NFIA: variants seen among roughly 807,000 people sequenced by gnomAD.
NFIA encodes nuclear factor I A, also known as nuclear factor 1 A-type.
A neutral mutation model predicts 62.8 loss-of-function variants in NFIA; 8 were observed. The observed-to-expected ratio is 0.13, with a 90% confidence interval of 0.07 to 0.23. NFIA has a LOEUF of 0.23. NFIA is among the 10% of genes least tolerant of loss of function. The pLI, the probability that NFIA is intolerant of heterozygous loss-of-function variation, is 1.00. For synonymous variants in NFIA, 235 were observed against 238.1 expected (o/e 0.99, Z 0.12); for missense variants, 410 against 642.1 (o/e 0.64, Z 3.91).
At chr1:61,440,476 G>C (rs1667523707) in intron 10 of NFIA, among the ~76,000 whole-genome samples, 1 of 152,174 alleles carries the variant, frequency 6.6e-6, no homozygotes, top group South Asian at 2.1e-4. Context: ...GAAGAAAGAA[G>C]TTGTGGCTAT....
At chr1:61,209,328 A>G (rs1364693594) in intron 2 of NFIA, among the ~76,000 whole-genome samples, 2 of 152,136 alleles carry the variant, frequency 1.3e-5, no homozygotes, top group Non-Finnish European at 2.9e-5. Context: ...ATCAATAGCC[A>G]GCTAGGGTTA....
chr1:61,234,941 T>C (rs1340910447), intron 2 of NFIA, among the ~76,000 whole-genome samples: 1 of 152,250 alleles, frequency 6.6e-6, no homozygotes, highest in African/African-American at 2.4e-5. Flanking sequence ...AGTTGGCATC[T>C]GTCTGTGGTT....
intron 7 of NFIA, among the ~76,000 whole-genome samples, chr1:61,387,080 A>G (rs1010619139): frequency 3.3e-5 from 5 of 152,050 alleles, no homozygotes; most frequent in African/African-American, 1.2e-4. Flanking sequence ...TTACCATCAC[A>G]TTGGGGGTTA....
chr1:61,104,877 A>G (rs1035092965), intron 2 of NFIA, among the ~76,000 whole-genome samples: 5 of 152,070 alleles, frequency 3.3e-5, no homozygotes, highest in Admixed American at 1.3e-4. Flanking sequence ...CTTTCATAGA[A>G]TGCTAAAAGA....
intron 6 of NFIA, among the ~76,000 whole-genome samples, chr1:61,375,810 A>G (rs893796719): frequency 1.3e-5 from 2 of 152,012 alleles, no homozygotes; most frequent in African/African-American, 4.8e-5. Context: ...TCCTGTAGCC[A>G]CTACCCTATT....
intron 3 of NFIA, among the ~76,000 whole-genome samples, chr1:61,304,670 T>C (rs1446268750): frequency 2.0e-5 from 3 of 151,378 alleles, no homozygotes; most frequent in African/African-American, 7.3e-5. Flanking sequence ...AGATCTGATT[T>C]TTTTTTTTGT....
At chr1:61,441,292 G>GGTGTGTGTGTGTGTGTGTGTGTGT (rs763246425) in intron 10 of NFIA, among the ~76,000 whole-genome samples, 3 of 139,372 alleles carry the variant, frequency 2.2e-5, no homozygotes, top group African/African-American at 8.1e-5. Context: ...GCCGTGCAGG[G>GGTGTGTGTGTGTGTGTGTGTGTGT]GTGTGTGTGT....
At chr1:61,238,221 ATTAAC>A (rs1655116518) in intron 2 of NFIA, among the ~76,000 whole-genome samples, 2 of 152,234 alleles carry the variant, frequency 1.3e-5, no homozygotes. Context: ...CTCTTTAAAA[ATTAAC>A]TTAGAGTTTT....
chr1:61,254,948 C>T (rs554502943), intron 2 of NFIA, among the ~76,000 whole-genome samples: 4 of 152,268 alleles, frequency 2.6e-5, no homozygotes, highest in East Asian at 1.9e-4. Flanking sequence ...TGAGAACCCC[C>T]GAGCAGCAGG....
intron 10 of NFIA, 120 bp from the exon 11 acceptor site, chr1:61,455,183 C>T: frequency 1.1e-6 from 1 of 938,024 alleles, no homozygotes; most frequent in Non-Finnish European, 1.7e-6. Context: ...TTTACTTTTC[C>T]CAGCGAATCC....
chr1:61,229,351 G>A (rs975596984), intron 2 of NFIA, among the ~76,000 whole-genome samples: 1 of 151,998 alleles, frequency 6.6e-6, no homozygotes, highest in South Asian at 2.1e-4. Flanking sequence ...TTGTATTTAT[G>A]CTTGAAATTT....
Position 61,239,427 on chromosome 1 carries a change from A to G in NFIA, c.560-38093A>G, listed in dbSNP as rs116075579. On this transcript the variant is annotated intron_variant, in intron 2 of 10. Coordinates refer to ENST00000403491, the MANE Select transcript of NFIA (RefSeq NM_001134673.4). ...ATGAAATCTCGTTATCGGGACTATC[A>G]GATAACATTAAATCATTAATTTTCT... Among the ~76,000 whole-genome samples, 626 of 152,298 alleles carry G rather than the reference A, an allele frequency of 4.1e-3. 9 individuals are homozygous for G. Among genetic ancestry groups the G allele is most frequent in the Admixed American group, 0.019 (292 of 15,290 alleles).
intron 1 of NFIA, among the ~76,000 whole-genome samples, chr1:61,083,699 G>A (rs865964708): frequency 6.6e-6 from 1 of 151,580 alleles, no homozygotes; most frequent in Middle Eastern, 3.4e-3. Flanking sequence ...GTAGCGCCGG[G>A]CAGAGTTGGG....
chr1:61,171,406 CATAATT>C (rs1220313582), intron 2 of NFIA, among the ~76,000 whole-genome samples: 4 of 152,228 alleles, frequency 2.6e-5, no homozygotes, highest in African/African-American at 9.6e-5. Context: ...TTATTTTAAA[CATAATT>C]ATGAAATATT....
intron 2 of NFIA, among the ~76,000 whole-genome samples, chr1:61,209,343 G>A (rs1489999372): frequency 6.6e-6 from 1 of 151,944 alleles, no homozygotes; most frequent in East Asian, 1.9e-4. Flanking sequence ...GGGTTAAACA[G>A]GTTTCCCTTC....
intron 7 of NFIA, among the ~76,000 whole-genome samples, chr1:61,385,147 G>A (rs1379563202): frequency 6.6e-6 from 1 of 152,060 alleles, no homozygotes; most frequent in Non-Finnish European, 1.5e-5. Context: ...TGAGGCAGGA[G>A]AATCACTTGA....
rs1284102757 is a variant in NFIA at position 61,182,370 on chromosome 1, T to C, written c.559+93690T>C. Among the ~76,000 whole-genome samples the C allele has an allele frequency of 2.6e-5, 4 of 152,318 alleles. No individual in the cohort carries two copies. In the South Asian group the frequency reaches 6.2e-4, roughly 24 times the overall value. ...AAGGTCGAACACAGATCAAACTTAG[T>C]GGCATGTTTGGTTAAGAGTTAGATT... On this transcript the variant is annotated intron_variant, in intron 2 of 10. Transcript: ENST00000403491.
intron 2 of NFIA, among the ~76,000 whole-genome samples, chr1:61,219,172 CAGTAAGCTGAGATCA>C: frequency 1.3e-5 from 2 of 150,600 alleles, no homozygotes; most frequent in Non-Finnish European, 2.9e-5. Flanking sequence ...GCAGAGGTTG[CAGTAAGCTGAGATCA>C]GGTCACTGAT....
intron 2 of NFIA, among the ~76,000 whole-genome samples, chr1:61,270,474 A>G (rs554834583): frequency 6.6e-6 from 1 of 152,318 alleles, no homozygotes; most frequent in East Asian, 1.9e-4. Context: ...GCATTTTATT[A>G]TTTCAATAAA....
Sources: gnomAD v4.1 joint callset for allele counts (sites outside exome capture counted in the v4.1 genomes callset) on GRCh38, gnomAD v4.1.1 for gene constraint, MANE v1.5 for transcripts, NCBI Gene and HGNC (gene_info 2026-07-23, HGNC 2026-07-21) for gene names.